Variants in FSHR observed in about 807,000 individuals in gnomAD.
FSHR encodes the protein follicle-stimulating hormone receptor.
Under a neutral mutation model 52.1 loss-of-function variants are expected in FSHR, and 46 were observed. The observed-to-expected ratio is 0.88, with a 90% confidence interval of 0.70 to 1.13. The LOEUF (loss-of-function observed/expected upper bound fraction) is 1.13. Among genes scored for constraint, FSHR ranks in the 50% most tolerant of loss-of-function variants. FSHR has a pLI of 0.00. For missense variants in FSHR, 964 were observed against 834.6 expected (o/e 1.16, Z -1.91); for synonymous variants, 399 against 309.6 (o/e 1.29, Z -3.03).
At chr2:49,050,373 G>C (rs771681474) in intron 2 of FSHR, among the ~76,000 whole-genome samples, 5 of 152,180 alleles carry the variant, frequency 3.3e-5, no homozygotes, top group Non-Finnish European at 7.4e-5. Flanking sequence ...TTCACTCTGT[G>C]ACTATAGGAG....
At chr2:49,018,585 C>G (rs1667581276) in intron 3 of FSHR, among the ~76,000 whole-genome samples, 2 of 152,156 alleles carry the variant, frequency 1.3e-5, no homozygotes, top group South Asian at 4.1e-4. Flanking sequence ...TGACCTTGCC[C>G]AGAGGGCTGG....
rs564831111 is a variant in FSHR, at chr2:48,978,361, C to G, written c.668+4551G>C. 3.3e-5 allele frequency among the ~76,000 whole-genome samples: 5 copies of G among 152,320 alleles called. No individual in the cohort carries two copies. The South Asian group carries it at 8.3e-4, about 25-fold the overall frequency. On this transcript the variant is annotated intron_variant, in intron 8 of 9. Coordinates refer to ENST00000406846, the MANE Select transcript of FSHR (RefSeq NM_000145.4). Reference sequence around the variant, plus strand: ...ACTGACAGATGGCTAGAAGACCTCTCTTTCATGATCCCAGGCTGGATAAAA... The same window carrying G: ...ACTGACAGATGGCTAGAAGACCTCTGTTTCATGATCCCAGGCTGGATAAAA...
At chr2:49,041,804 A>AAT (rs1284016005) in intron 2 of FSHR, among the ~76,000 whole-genome samples, 1 of 151,944 alleles carries the variant, frequency 6.6e-6, no homozygotes, top group Non-Finnish European at 1.5e-5. Flanking sequence ...AGAAGTGAAA[A>AAT]AAAAAAAGAA....
At chr2:48,964,055 G>T in intron 9 of FSHR, 89 bp from the exon 10 acceptor site, 1 of 1,355,764 alleles carries the variant, frequency 7.4e-7, no homozygotes, top group Non-Finnish European at 1.0e-6. Context: ...GAAATGATGA[G>T]TTTCTTCCTG....
intron 4 of FSHR, among the ~76,000 whole-genome samples, chr2:49,013,489 T>TATATATATAAATATATATATAAATAA: frequency 1.4e-5 from 1 of 73,042 alleles, no homozygotes; most frequent in South Asian, 4.0e-4. Flanking sequence ...TAAATAAATA[T>TATATATATAAATATATATATAAATAA]ATATATATAT....
At chr2:49,013,199 C>G (rs1023580673) in intron 4 of FSHR, among the ~76,000 whole-genome samples, 1 of 151,420 alleles carries the variant, frequency 6.6e-6, no homozygotes, top group Non-Finnish European at 1.5e-5. Context: ...GTCTGCAAGC[C>G]AGGAACCAAA....
chr2:49,132,601 A>G (rs551738399), intron 1 of FSHR, among the ~76,000 whole-genome samples: 3 of 152,132 alleles, frequency 2.0e-5, no homozygotes, highest in African/African-American at 7.2e-5. Flanking sequence ...TGCACATGGG[A>G]CACATTAAAG....
chr2:49,023,119 A>T (rs542081526), intron 2 of FSHR, among the ~76,000 whole-genome samples: 3 of 152,298 alleles, frequency 2.0e-5, no homozygotes, highest in Admixed American at 2.0e-4. Flanking sequence ...AGAATGAAGT[A>T]GTTGGTTTAG....
chr2:49,025,566 G>A (rs549286338), intron 2 of FSHR, among the ~76,000 whole-genome samples: 2 of 152,222 alleles, frequency 1.3e-5, no homozygotes, highest in African/African-American at 2.4e-5. Context: ...TATATGTCAT[G>A]TATAAGAAGG....
At chr2:49,073,024 G>A (rs11692426) in intron 1 of FSHR, among the ~76,000 whole-genome samples, 26,431 of 151,914 alleles carry the variant, frequency 0.17, 2,263 homozygotes, top group East Asian at 0.25. Flanking sequence ...ATAGATAAAG[G>A]CATTATATTT....
intron 3 of FSHR, among the ~76,000 whole-genome samples, chr2:49,018,467 G>A (rs1667574733): frequency 6.6e-6 from 1 of 152,186 alleles, no homozygotes; most frequent in African/African-American, 2.4e-5. Context: ...ATCATTTTAA[G>A]TACAGTCAGT....
chr2:48,977,208 G>T (rs991165498), intron 8 of FSHR, among the ~76,000 whole-genome samples: 5 of 152,028 alleles, frequency 3.3e-5, no homozygotes, highest in African/African-American at 1.2e-4. Flanking sequence ...TTAGAGAGAG[G>T]CCCAGAACAT....
chr2:49,077,330 C>T lies in FSHR; in HGVS notation c.153-9040G>A, dbSNP rs766841898. On this transcript the variant is annotated intron_variant, in intron 1 of 9. Coordinates refer to ENST00000406846, the MANE Select transcript of FSHR (RefSeq NM_000145.4). The stretch of plus-strand genomic sequence containing the variant: ...GCTTGCACCCTCTGAAGCTATGGCC[C>T]GAGCTCTATGTTGGCTCCTTTCAGC... Among the ~76,000 whole-genome samples, 7 of 152,174 alleles carry T rather than the reference C, an allele frequency of 4.6e-5. 1 individual carries two copies. The highest frequency in any genetic ancestry group is 2.1e-4 in the South Asian group (1 of 4,830).
rs1430016719 is a variant in FSHR, at chr2:49,017,618, A to T, written c.300-55T>A. 3.1e-6 allele frequency: 4 copies of T among 1,278,644 alleles called. No individual in the cohort carries two copies. The Admixed American group carries it at 5.1e-5, about 16-fold the overall frequency. The allele number at this position is 1,278,644 out of a possible 1,614,324, so 79.2% of individuals were successfully genotyped here. A position where few individuals can be genotyped will look rare whatever the true frequency, so the allele number is the denominator to read the frequency against. On this transcript the variant is annotated intron_variant, in intron 3 of 9. Transcript: ENST00000406846. Reference sequence around the variant, plus strand: ...TCTTGATGGTAAGGAATGCTGTAGTATTTTTCACATTTTACAGAGTACATA... The same window carrying T: ...TCTTGATGGTAAGGAATGCTGTAGTTTTTTTCACATTTTACAGAGTACATA...
chr2:49,112,103 C>G (rs981717858), intron 1 of FSHR, among the ~76,000 whole-genome samples: 1 of 152,038 alleles, frequency 6.6e-6, no homozygotes, highest in African/African-American at 2.4e-5. Context: ...GAAATTAATG[C>G]TTCGGTTATG....
intron 2 of FSHR, among the ~76,000 whole-genome samples, chr2:49,026,826 G>C (rs561237944): frequency 6.6e-6 from 1 of 151,866 alleles, no homozygotes; most frequent in Admixed American, 6.6e-5. Context: ...TCCCTGTCTT[G>C]GTGTCCCTCA....
chr2:49,009,420 G>A (rs1339158858), intron 4 of FSHR, among the ~76,000 whole-genome samples: 1 of 151,526 alleles, frequency 6.6e-6, no homozygotes, highest in Non-Finnish European at 1.5e-5. Context: ...TGCCGTTTTG[G>A]TTACTGTAGC....
At chr2:49,125,058 G>T (rs1417657028) in intron 1 of FSHR, among the ~76,000 whole-genome samples, 1 of 152,036 alleles carries the variant, frequency 6.6e-6, no homozygotes, top group Admixed American at 6.6e-5. Flanking sequence ...GTCATCCCTC[G>T]GATACCCACA....
rs146039488 is a variant in FSHR at position 49,114,048 on chromosome 2, C to T, written c.152+40218G>A. On this transcript the variant is annotated intron_variant, in intron 1 of 9. Transcript: ENST00000406846. ...ACCAGCAAAGCATGCTCCTTCTCCA[C>T]CTGGCAGGATGGTTATACTCCCAGC... is the stretch of plus-strand genomic sequence containing the variant. Among the ~76,000 whole-genome samples the T allele has an allele frequency of 3.1e-3, 479 of 152,280 alleles. 1 individual carries two copies. Among genetic ancestry groups the T allele is most frequent in the African/African-American group, 9.8e-3 (406 of 41,570 alleles).
Sources: allele counts gnomAD v4.1 joint callset (sites outside exome capture counted in the v4.1 genomes callset), GRCh38; gene constraint gnomAD v4.1.1; transcripts MANE v1.5; gene names NCBI Gene and HGNC (gene_info 2026-07-23, HGNC 2026-07-21).